Variants in GNG11 observed in about 807,000 individuals in gnomAD.
GNG11 encodes G protein subunit gamma 11.
Under a neutral mutation model 7.4 loss-of-function variants are expected in GNG11, and 6 were observed. The ratio of observed to expected loss-of-function variants is 0.81; its 90% CI spans 0.44 to 1.60. GNG11 has a LOEUF of 1.60. Ranked by LOEUF, GNG11 falls within the 40% of genes most tolerant of loss-of-function variation. GNG11 has a pLI of 0.01. For synonymous variants in GNG11, 31 were observed against 25.9 expected (o/e 1.20, Z -0.60); for missense variants, 65 against 83.0 (o/e 0.78, Z 0.84).
rs112753864 is a variant in GNG11 at position 93,922,320 on chromosome 7, T to G, written c.96+87T>G. ...CTTAGTAACAGTAAAGCAAATAGTT[T>G]AGCTTATTTTTCCCCCTTTTTGTAG... On this transcript the variant is annotated intron_variant, in intron 1 of 1. Coordinates refer to ENST00000248564, the MANE Select transcript of GNG11 (RefSeq NM_004126.4). 8.2e-4 allele frequency: 580 copies of G among 710,898 alleles called. 5 individuals carry two copies. The African/African-American group carries it at 9.9e-3, about 12-fold the overall frequency. The allele number at this position is 710,898 out of a possible 1,614,324, so 44.0% of individuals were successfully genotyped here.
chr7:93,922,691 C>T (rs1374029156), intron 1 of GNG11, among the ~76,000 whole-genome samples: 1 of 152,076 alleles, frequency 6.6e-6, no homozygotes, highest in Non-Finnish European at 1.5e-5. Flanking sequence ...CAGTGATATG[C>T]AAAGAACAGT....
At position 93,928,035 on chromosome 7, in the gene GNG11, T is replaced by C. The variant is rs1018574710; in HGVS notation, c.*1819T>C. 3.3e-5 allele frequency: 5 copies of C among 152,200 alleles called. No individual in the cohort carries two copies. Among genetic ancestry groups the C allele is most frequent in the African/African-American group, 7.2e-5 (3 of 41,446 alleles). The allele number at this position is 152,200 out of a possible 1,614,324, so 9.4% of individuals were successfully genotyped here. ...TAGCTGTTTCATTTCTTTGCACTTATAAAGTTTTCTTCTGTTGCCTATGAA... is the reference window on the plus strand; with the variant it reads ...TAGCTGTTTCATTTCTTTGCACTTACAAAGTTTTCTTCTGTTGCCTATGAA... On this transcript the variant is annotated 3_prime_UTR_variant, in exon 2 of 2. Coordinates refer to ENST00000248564, the MANE Select transcript of GNG11 (RefSeq NM_004126.4).
In GNG11 at chr7:93,926,955, G is replaced by A. The variant is rs1207333926; in HGVS notation, c.*739G>A. 1 of 152,270 alleles carries A rather than the reference G, an allele frequency of 6.6e-6. No individual in the cohort carries two copies. Among genetic ancestry groups the A allele is most frequent in the Non-Finnish European group, 1.5e-5 (1 of 68,084 alleles). The allele number at this position is 152,270 out of a possible 1,614,324, so 9.4% of individuals were successfully genotyped here. The stretch of plus-strand genomic sequence containing the variant: ...AGGCCAGCCCTGGCTTTGAGAGCCA[G>A]TACTTATTCCTGCACAGAGCTACAT... On this transcript the variant is annotated 3_prime_UTR_variant, in exon 2 of 2. Coordinates refer to ENST00000248564, the MANE Select transcript of GNG11 (RefSeq NM_004126.4).
chr7:93,924,230 T>G (rs905841901), intron 1 of GNG11, among the ~76,000 whole-genome samples: 1 of 152,254 alleles, frequency 6.6e-6, no homozygotes, highest in Admixed American at 6.5e-5. Context: ...TGTAGTTAAA[T>G]GTTTATCAAA....
chr7:93,925,883 A>G (rs1183743363), intron 1 of GNG11, among the ~76,000 whole-genome samples: 1 of 151,898 alleles, frequency 6.6e-6, no homozygotes, highest in Non-Finnish European at 1.5e-5. Flanking sequence ...TAGGTATAGT[A>G]ATAGAATAAA....
In GNG11 at chr7:93,922,250, G is replaced by A. The variant is rs141027041; in HGVS notation, c.96+17G>A. The A allele has an allele frequency of 2.8e-4, 409 of 1,439,284 alleles. No individual in the cohort carries two copies. In the Middle Eastern group the frequency reaches 0.011, roughly 38 times the overall value. 89.2% of individuals were successfully genotyped at this position (1,439,284 alleles called of 1,614,324 possible). A position where few individuals can be genotyped will look rare whatever the true frequency, so the allele number is the denominator to read the frequency against. ...AGACAACAAGTAAGTTGGCTGTTCC[G>A]GAATATTTCCTTCTCTGAAATGAAG... On this transcript the variant is annotated intron_variant, in intron 1 of 1. Transcript: ENST00000248564.
chr7:93,925,925 A>T (rs1231227423), intron 1 of GNG11, among the ~76,000 whole-genome samples, 166 bp from the exon 2 acceptor site: 1 of 151,226 alleles, frequency 6.6e-6, no homozygotes, highest in Non-Finnish European at 1.5e-5. Context: ...GATTTTATAT[A>T]TGTATTATAT....
rs1157483697 is a variant in GNG11 at position 93,928,024 on chromosome 7, C to T, written c.*1808C>T. ...TTTACTTCTATTAGCTGTTTCATTT[C>T]TTTGCACTTATAAAGTTTTCTTCTG... On this transcript the variant is annotated 3_prime_UTR_variant, in exon 2 of 2. Coordinates refer to ENST00000248564, the MANE Select transcript of GNG11 (RefSeq NM_004126.4). 6.6e-6 allele frequency: 1 copy of T among 152,148 alleles called. No homozygotes were observed. The highest frequency in any genetic ancestry group is 2.1e-4 in the South Asian group (1 of 4,832). 9.4% of individuals were successfully genotyped at this position (152,148 alleles called of 1,614,324 possible). A position where few individuals can be genotyped will look rare whatever the true frequency, so the allele number is the denominator to read the frequency against.
rs1794689327 is a variant in GNG11, at chr7:93,927,154, A to G, written c.*938A>G. The G allele has an allele frequency of 6.6e-6, 1 of 152,102 alleles. No homozygotes were observed. Among genetic ancestry groups the G allele is most frequent in the Non-Finnish European group, 1.5e-5 (1 of 68,012 alleles). The allele number at this position is 152,102 out of a possible 1,614,324, so 9.4% of individuals were successfully genotyped here. A position where few individuals can be genotyped will look rare whatever the true frequency, so the allele number is the denominator to read the frequency against. ...CAGTGAATCTTTGCCCACTTTAAAG[A>G]TTAGTTGGTCTTTTTCTTACTGATT... On this transcript the variant is annotated 3_prime_UTR_variant, in exon 2 of 2. Coordinates refer to ENST00000248564, the MANE Select transcript of GNG11 (RefSeq NM_004126.4).
intron 1 of GNG11, among the ~76,000 whole-genome samples, chr7:93,924,032 A>T (rs1173100302): frequency 6.6e-6 from 1 of 152,220 alleles, no homozygotes; most frequent in Non-Finnish European, 1.5e-5. Flanking sequence ...ATTAAAAAAA[A>T]CTTGAGTCCC....
intron 1 of GNG11, among the ~76,000 whole-genome samples, chr7:93,924,565 G>A (rs910846376): frequency 6.6e-6 from 1 of 152,138 alleles, no homozygotes; most frequent in African/African-American, 2.4e-5. Context: ...TTCAATTTGA[G>A]GTCAGAGGCT....
rs1794620359 is a variant in GNG11, at chr7:93,922,108, A to G, written c.-30A>G. On this transcript the variant is annotated 5_prime_UTR_variant, in exon 1 of 2. Transcript: ENST00000248564. ...GCTCTTCCAGCGGCTCCGCTGCCAG[A>G]GCTAGCCCGAGCCCGGTTCTGGGGC... 6.9e-7 allele frequency: 1 copy of G among 1,446,028 alleles called. No homozygotes were observed. The highest frequency in any genetic ancestry group is 9.6e-7 in the Non-Finnish European group (1 of 1,044,592). 89.6% of individuals were successfully genotyped at this position (1,446,028 alleles called of 1,614,324 possible).
At chr7:93,922,673 G>A (rs930623756) in intron 1 of GNG11, among the ~76,000 whole-genome samples, 3 of 152,148 alleles carry the variant, frequency 2.0e-5, no homozygotes, top group African/African-American at 7.2e-5. Context: ...AATTTCACCA[G>A]TGGCCTTCAG....
At position 93,927,753 on chromosome 7, in the gene GNG11, A is replaced by G. The variant is rs1429593453; in HGVS notation, c.*1537A>G. 5.3e-5 allele frequency: 8 copies of G among 152,228 alleles called. No homozygotes were observed. Among genetic ancestry groups the G allele is most frequent in the Non-Finnish European group, 1.5e-5 (1 of 68,044 alleles). 9.4% of individuals were successfully genotyped at this position (152,228 alleles called of 1,614,324 possible). A position where few individuals can be genotyped will look rare whatever the true frequency, so the allele number is the denominator to read the frequency against. On this transcript the variant is annotated 3_prime_UTR_variant, in exon 2 of 2. Transcript: ENST00000248564. ...AATAGTTTACACAGACCAAAAGCAG[A>G]AACTATTTCCTTCAGTTTCCTGACA...
intron 1 of GNG11, among the ~76,000 whole-genome samples, chr7:93,925,005 A>C (rs555514469): frequency 6.6e-6 from 1 of 152,088 alleles, no homozygotes. Context: ...TCTACTAAAA[A>C]TACAAAAAAT....
intron 1 of GNG11, among the ~76,000 whole-genome samples, chr7:93,925,409 A>G (rs1424014193): frequency 5.3e-5 from 8 of 152,092 alleles, no homozygotes; most frequent in African/African-American, 1.9e-4. Flanking sequence ...TCAGAAAAAA[A>G]TTTATTCTCA....
intron 1 of GNG11, among the ~76,000 whole-genome samples, chr7:93,924,244 G>A (rs529794111): frequency 3.3e-5 from 5 of 152,308 alleles, no homozygotes; most frequent in African/African-American, 1.2e-4. Flanking sequence ...TATCAAACAT[G>A]TCCTCTTGAT....
rs765427090 is a variant in GNG11, at chr7:93,926,086, T to C, written c.97-5T>C. On this transcript the variant is annotated splice_polypyrimidine_tract_variant and splice_region_variant and intron_variant, in intron 1 of 1. Transcript: ENST00000248564. The stretch of plus-strand genomic sequence containing the variant: ...AATGTATTCTCTTTTTTTTCTATAC[T>C]TAAGGTGTCTAAATGTTCTGAAGAA... 3.3e-6 allele frequency: 5 copies of C among 1,501,940 alleles called. No individual in the cohort carries two copies. The highest frequency in any genetic ancestry group is 4.5e-6 in the Non-Finnish European group (5 of 1,107,760). The allele number at this position is 1,501,940 out of a possible 1,614,324, so 93.0% of individuals were successfully genotyped here. A position where few individuals can be genotyped will look rare whatever the true frequency, so the allele number is the denominator to read the frequency against.
At position 93,922,041 on chromosome 7, in the gene GNG11, G is replaced by C; in HGVS notation, c.-97G>C. On this transcript the variant is annotated 5_prime_UTR_variant, in exon 1 of 2. Coordinates refer to ENST00000248564, the MANE Select transcript of GNG11 (RefSeq NM_004126.4). ...GTCACATCCTGCGCGGGTGGGCGGC[G>C]GGCCAGGCCTTCAGTTGTTTCGGGA... 1 of 668,562 alleles carries C rather than the reference G, an allele frequency of 1.5e-6. No individual in the cohort carries two copies. The highest frequency in any genetic ancestry group is 3.1e-5 in the Admixed American group (1 of 32,024). 41.4% of individuals were successfully genotyped at this position (668,562 alleles called of 1,614,324 possible). A position where few individuals can be genotyped will look rare whatever the true frequency, so the allele number is the denominator to read the frequency against.
Sources: allele counts gnomAD v4.1 joint callset (sites outside exome capture counted in the v4.1 genomes callset), GRCh38; gene constraint gnomAD v4.1.1; transcripts MANE v1.5; gene names NCBI Gene and HGNC (gene_info 2026-07-23, HGNC 2026-07-21).